Variants in MALRD1 observed in about 807,000 individuals in gnomAD.
MALRD1 encodes MAM and LDL-receptor class A domain-containing protein 1.
MALRD1 carries 247 observed loss-of-function variants against 242.1 expected under a neutral mutation model. That is an observed-to-expected ratio of 1.02 (90% CI 0.92 to 1.13). The LOEUF is 1.13. Ranked by LOEUF, MALRD1 falls within the 50% of genes most tolerant of loss-of-function variation. The probability of loss-of-function intolerance (pLI) is 0.00; values close to 1 mark genes in which losing one functional copy is unlikely to be tolerated. For missense variants in MALRD1, 2,989 were observed against 2,533.1 expected (o/e 1.18, Z -3.86); for synonymous variants, 995 against 866.6 (o/e 1.15, Z -2.60).
chr10:19,241,294 T>G (rs1838760921), intron 18 of MALRD1, among the ~76,000 whole-genome samples: 1 of 152,108 alleles, frequency 6.6e-6, no homozygotes, highest in African/African-American at 2.4e-5. Flanking sequence ...TCCTCACAAT[T>G]TAATCTTGGT....
At chr10:19,570,053 C>T (rs1429553124) in intron 33 of MALRD1, among the ~76,000 whole-genome samples, 1 of 151,842 alleles carries the variant, frequency 6.6e-6, no homozygotes, top group Non-Finnish European at 1.5e-5. Flanking sequence ...GTTCATCTTT[C>T]CCAGTGTGTT....
At chr10:19,346,861 G>A (rs1484106137) in intron 24 of MALRD1, among the ~76,000 whole-genome samples, 1 of 151,950 alleles carries the variant, frequency 6.6e-6, no homozygotes, top group Non-Finnish European at 1.5e-5. Context: ...TGTTGGCCAG[G>A]CTGGTCTTGA....
intron 21 of MALRD1, among the ~76,000 whole-genome samples, chr10:19,290,921 A>G (rs1441999674): frequency 2.6e-5 from 4 of 152,132 alleles, no homozygotes; most frequent in Non-Finnish European, 5.9e-5. Context: ...CTACACAATT[A>G]GTTTAATTGG....
chr10:19,422,981 G>A (rs1355857466), intron 28 of MALRD1, among the ~76,000 whole-genome samples: 6 of 152,076 alleles, frequency 3.9e-5, no homozygotes, highest in African/African-American at 9.7e-5. Flanking sequence ...GTTCTCCTAC[G>A]AAGCGAGATT....
At chr10:19,351,413 C>T (rs545252878) in intron 25 of MALRD1, among the ~76,000 whole-genome samples, 16 of 152,134 alleles carry the variant, frequency 1.1e-4, no homozygotes, top group South Asian at 4.1e-4. Context: ...AGAAAAGCTC[C>T]GTGGGTTGCT....
chr10:19,491,447 C>G (rs1000287623), intron 29 of MALRD1, 70 bp from the exon 30 acceptor site: 1 of 1,503,446 alleles, frequency 6.7e-7, no homozygotes, highest in African/African-American at 1.4e-5. Flanking sequence ...TATAAAATAC[C>G]TAACAGGAAT....
intron 24 of MALRD1, among the ~76,000 whole-genome samples, chr10:19,338,087 C>T (rs1252780094): frequency 6.6e-6 from 1 of 150,668 alleles, no homozygotes; most frequent in Non-Finnish European, 1.5e-5. Context: ...AAAGAAAGTA[C>T]ATATACTCCT....
chr10:19,595,051 C>G (rs1838009360), intron 33 of MALRD1, 143 bp from the exon 34 acceptor site: 6 of 767,210 alleles, frequency 7.8e-6, no homozygotes, highest in Non-Finnish European at 1.2e-5. Flanking sequence ...TTGTAGGCAT[C>G]ATATTAATCC....
intron 21 of MALRD1, among the ~76,000 whole-genome samples, chr10:19,300,593 T>C (rs770749449): frequency 6.6e-6 from 1 of 151,566 alleles, no homozygotes; most frequent in African/African-American, 2.4e-5. Flanking sequence ...AAATTGACAA[T>C]AAAAAGCAAT....
Position 19,063,149 on chromosome 10 carries a change from C to T in MALRD1, c.200-3570C>T, listed in dbSNP as rs199846521. On this transcript the variant is annotated intron_variant, in intron 1 of 39. Transcript: ENST00000454679. ...TGACAGAGCAAGACCCTGTCCCCCC[C>T]CCAAAAAAAAAGTTTATGTAATGTA... Among the ~76,000 whole-genome samples the T allele has an allele frequency of 4.0e-5, 6 of 151,498 alleles. No individual in the cohort carries two copies. The East Asian group carries it at 5.8e-4, about 15-fold the overall frequency.
At chr10:19,477,978 G>A (rs567958024) in intron 29 of MALRD1, among the ~76,000 whole-genome samples, 28 of 152,264 alleles carry the variant, frequency 1.8e-4, no homozygotes, top group African/African-American at 6.0e-4. Flanking sequence ...CACAGTTGCC[G>A]GCATTCGCCT....
chr10:19,160,795 G>A (rs1834360817), intron 12 of MALRD1, among the ~76,000 whole-genome samples: 2 of 105,522 alleles, frequency 1.9e-5, no homozygotes, highest in Admixed American at 2.1e-4. Flanking sequence ...ATTTCTGTGG[G>A]ATCGGTGGTG....
chr10:19,052,473 C>G (rs1834537835), intron 1 of MALRD1, among the ~76,000 whole-genome samples: 1 of 152,230 alleles, frequency 6.6e-6, no homozygotes, highest in East Asian at 1.9e-4. Context: ...TAAATTGATT[C>G]CCATCATAAC....
chr10:19,277,676 G>T (rs1014738230), intron 19 of MALRD1, among the ~76,000 whole-genome samples: 6 of 152,170 alleles, frequency 3.9e-5, no homozygotes, highest in African/African-American at 1.4e-4. Context: ...ACAGAAATAG[G>T]AAATTTTCTT....
intron 5 of MALRD1, among the ~76,000 whole-genome samples, chr10:19,115,847 G>GC (rs1836853403): frequency 6.6e-6 from 1 of 152,092 alleles, no homozygotes; most frequent in African/African-American, 2.4e-5. Flanking sequence ...CTGCACTCCA[G>GC]CCTGGGTGAC....
intron 21 of MALRD1, among the ~76,000 whole-genome samples, chr10:19,289,665 A>G (rs1186924584): frequency 6.6e-6 from 1 of 152,160 alleles, no homozygotes; most frequent in African/African-American, 2.4e-5. Flanking sequence ...CTTATGCATC[A>G]GATATCCTAC....
chr10:19,447,253 A>C (rs1274821683), intron 28 of MALRD1, among the ~76,000 whole-genome samples: 1 of 152,218 alleles, frequency 6.6e-6, no homozygotes, highest in Non-Finnish European at 1.5e-5. Context: ...GTGTGAGCAC[A>C]GAAAGTTTGC....
intron 2 of MALRD1, among the ~76,000 whole-genome samples, chr10:19,086,212 A>G (rs1835663623): frequency 6.6e-6 from 1 of 152,040 alleles, no homozygotes; most frequent in South Asian, 2.1e-4. Context: ...CAATTTTGGA[A>G]TAGGAGTAGG....
intron 18 of MALRD1, among the ~76,000 whole-genome samples, chr10:19,211,934 G>A (rs185200069): frequency 6.6e-6 from 1 of 152,202 alleles, no homozygotes; most frequent in African/African-American, 2.4e-5. Context: ...GATCACTCAT[G>A]TAAAATGAAA....
Sources: allele counts gnomAD v4.1 joint callset (sites outside exome capture counted in the v4.1 genomes callset), GRCh38; gene constraint gnomAD v4.1.1; transcripts MANE v1.5; gene names NCBI Gene and HGNC (gene_info 2026-07-23, HGNC 2026-07-21).